Variants in CTNNA3 observed in about 807,000 individuals in gnomAD.
CTNNA3 encodes catenin alpha-3.
Under a neutral mutation model 95.7 loss-of-function variants are expected in CTNNA3, and 76 were observed. The observed-to-expected ratio is 0.79, with a 90% CI of 0.66 to 0.96. The LOEUF (loss-of-function observed/expected upper bound fraction) is 0.96, where lower values mean the gene tolerates loss of function less well. Ranked by LOEUF, CTNNA3 falls within the 40% of genes least tolerant of loss-of-function variation. The pLI, the probability that CTNNA3 is intolerant of heterozygous loss-of-function variation, is 0.00. For synonymous variants in CTNNA3, 431 were observed against 374.4 expected, an observed-to-expected ratio of 1.15 and a Z score of -1.74; for missense variants, 1,191 against 1,089.8, an observed-to-expected ratio of 1.09 and a Z score of -1.31.
chr10:65,933,373 C>T (rs2077284750), intron 17 of CTNNA3, among the ~76,000 whole-genome samples: 1 of 151,980 alleles, frequency 6.6e-6, no homozygotes, highest in Non-Finnish European at 1.5e-5. Flanking sequence ...CTAATTATGC[C>T]CTTTTACTCA....
chr10:66,084,215 G>T (rs1459667280), intron 14 of CTNNA3, among the ~76,000 whole-genome samples: 1 of 151,146 alleles, frequency 6.6e-6, no homozygotes, highest in African/African-American at 2.4e-5. Context: ...TTGCAGAAGA[G>T]ACCAAACTTT....
At chr10:66,035,973 C>T (rs560538584) in intron 15 of CTNNA3, among the ~76,000 whole-genome samples, 4 of 151,962 alleles carry the variant, frequency 2.6e-5, no homozygotes, top group South Asian at 4.2e-4. Context: ...TTATATATAC[C>T]CATTTACTCT....
chr10:66,227,951 A>T (rs34840531), intron 13 of CTNNA3, among the ~76,000 whole-genome samples: 25,213 of 151,968 alleles, frequency 0.17, 2,219 homozygotes, highest in East Asian at 0.26. Context: ...TTTCCAATTT[A>T]TTGGCATATA....
chr10:66,112,221 C>T (rs1294072532), intron 13 of CTNNA3, among the ~76,000 whole-genome samples: 2 of 152,130 alleles, frequency 1.3e-5, no homozygotes, highest in Non-Finnish European at 2.9e-5. Flanking sequence ...GTATTATTCT[C>T]AGTTTTATAA....
At chr10:67,646,331 C>T (rs1219637322) in intron 2 of CTNNA3, among the ~76,000 whole-genome samples, 12 of 151,160 alleles carry the variant, frequency 7.9e-5, no homozygotes. Context: ...TTCTTTTTAA[C>T]ATGAAACTGT....
chr10:65,979,477 C>T (rs1437237999), intron 16 of CTNNA3, among the ~76,000 whole-genome samples: 1 of 151,972 alleles, frequency 6.6e-6, no homozygotes, highest in Admixed American at 6.6e-5. Context: ...TTATCCTGTA[C>T]ATAAAATAAG....
At chr10:67,165,569 T>C (rs900655026) in intron 7 of CTNNA3, among the ~76,000 whole-genome samples, 1 of 152,198 alleles carries the variant, frequency 6.6e-6, no homozygotes, top group Non-Finnish European at 1.5e-5. Context: ...GCAACCTATA[T>C]AGGAAACTGG....
Position 67,441,555 on chromosome 10 carries a change from A to G in CTNNA3, c.579+80287T>C, listed in dbSNP as rs1019556461. ...TCAAGGATAAAGAAAGGATCCTAAA[A>G]GCACCAAAAGAAAAGAAACAAATCA... On this transcript the variant is annotated intron_variant, in intron 5 of 17. Coordinates refer to ENST00000433211, the MANE Select transcript of CTNNA3 (RefSeq NM_013266.4). Among the ~76,000 whole-genome samples the G allele has an allele frequency of 5.8e-4, 89 of 152,180 alleles. 2 individuals carry two copies. The highest frequency in any genetic ancestry group is 3.9e-4 in the Admixed American group (6 of 15,276).
intron 13 of CTNNA3, among the ~76,000 whole-genome samples, chr10:66,199,835 G>C (rs2087275735): frequency 1.9e-5 from 1 of 52,690 alleles, no homozygotes; most frequent in Non-Finnish European, 3.3e-5. Context: ...TTTTTTTTTA[G>C]TAGAGATGGG....
intron 7 of CTNNA3, among the ~76,000 whole-genome samples, chr10:66,951,530 C>T (rs960901780): frequency 4.6e-5 from 7 of 152,028 alleles, no homozygotes; most frequent in East Asian, 1.9e-4. Flanking sequence ...ACTCATATTC[C>T]GGATAGGGAA....
intron 1 of CTNNA3, among the ~76,000 whole-genome samples, chr10:67,661,848 T>A (rs1840200315): frequency 6.6e-6 from 1 of 152,156 alleles, no homozygotes; most frequent in African/African-American, 2.4e-5. Flanking sequence ...CCTCCACACA[T>A]GCTAGAATGG....
intron 1 of CTNNA3, among the ~76,000 whole-genome samples, chr10:67,735,635 A>T (rs929526367): frequency 3.3e-5 from 5 of 152,042 alleles, no homozygotes; most frequent in Non-Finnish European, 5.9e-5. Flanking sequence ...TTATGTTTTT[A>T]AAAAAAAGAA....
At chr10:67,739,469 C>G (rs1377913287) in intron 1 of CTNNA3, among the ~76,000 whole-genome samples, 1 of 152,106 alleles carries the variant, frequency 6.6e-6, no homozygotes, top group Admixed American at 6.6e-5. Context: ...TCTCAGGATA[C>G]AAAATCAGTG....
chr10:66,412,328 G>C (rs1010839800), intron 11 of CTNNA3, among the ~76,000 whole-genome samples: 2 of 151,932 alleles, frequency 1.3e-5, no homozygotes, highest in Admixed American at 1.3e-4. Flanking sequence ...TGAAGAAAAA[G>C]ATCATTAAAA....
At chr10:66,543,075 A>T (rs1841913636) in intron 10 of CTNNA3, among the ~76,000 whole-genome samples, 1 of 152,092 alleles carries the variant, frequency 6.6e-6, no homozygotes, top group Admixed American at 6.6e-5. Flanking sequence ...ATATCCACTA[A>T]GTAAGTTAGA....
At chr10:66,757,167 A>G (rs2063762176) in intron 9 of CTNNA3, among the ~76,000 whole-genome samples, 1 of 152,146 alleles carries the variant, frequency 6.6e-6, no homozygotes. Context: ...GCACAGCCTC[A>G]TGCTCCTGAG....
chr10:66,812,260 G>A (rs146026872), intron 7 of CTNNA3, among the ~76,000 whole-genome samples: 126 of 152,250 alleles, frequency 8.3e-4, no homozygotes, highest in Non-Finnish European at 1.4e-3. Context: ...GAGTCAGATT[G>A]TAGTTCTGTG....
At chr10:66,134,526 T>C (rs753542853) in intron 13 of CTNNA3, among the ~76,000 whole-genome samples, 11 of 152,078 alleles carry the variant, frequency 7.2e-5, no homozygotes, top group Non-Finnish European at 1.6e-4. Context: ...GATGTTCAAT[T>C]AAGTGGGAAA....
intron 13 of CTNNA3, among the ~76,000 whole-genome samples, chr10:66,269,880 G>A (rs557459178): frequency 1.2e-3 from 189 of 152,134 alleles, no homozygotes; most frequent in African/African-American, 4.1e-3. Flanking sequence ...ACAACCACAC[G>A]GATCCGACTT....
Sources: allele counts gnomAD v4.1 joint callset (sites outside exome capture counted in the v4.1 genomes callset), GRCh38; gene constraint gnomAD v4.1.1; transcripts MANE v1.5; gene names NCBI Gene and HGNC (gene_info 2026-07-23, HGNC 2026-07-21).